RCC1: variants seen among roughly 807,000 people sequenced by gnomAD.
RCC1 encodes the protein regulator of chromosome condensation.
A neutral mutation model predicts 44.4 loss-of-function variants in RCC1; 11 were observed. The ratio of observed to expected loss-of-function variants is 0.25; its 90% CI spans 0.16 to 0.41. The LOEUF (loss-of-function observed/expected upper bound fraction) is 0.41. Among genes scored for constraint, RCC1 ranks in the 10% least tolerant of loss-of-function variants. The pLI, the probability that RCC1 is intolerant of heterozygous loss-of-function variation, is 1.00. For missense variants in RCC1, 386 were observed against 547.1 expected (o/e 0.71, Z 2.94); for synonymous variants, 213 against 216.5 (o/e 0.98, Z 0.14).
Position 28,536,496 on chromosome 1 carries a change from A to T in RCC1, c.937+115A>T. On this transcript the variant is annotated intron_variant, in intron 11 of 12. Coordinates refer to ENST00000683442, the MANE Select transcript of RCC1 (RefSeq NM_001381865.2). The surrounding 1 kb of genome is among the most constrained non-coding windows in gnomAD (Gnocchi z 4.9). ...CTGGGTCTGTTCCATGGGTTGTACC[A>T]TACATGGGTCCATGAGAGTCACTCT... 1 of 1,354,878 alleles carries T rather than the reference A, an allele frequency of 7.4e-7. No homozygotes were observed. Among genetic ancestry groups the T allele is most frequent in the Non-Finnish European group, 1.0e-6 (1 of 993,870 alleles). The allele number at this position is 1,354,878 out of a possible 1,614,324, so 83.9% of individuals were successfully genotyped here.
Position 28,536,704 on chromosome 1 carries a change from G to A in RCC1, c.938-43G>A, listed in dbSNP as rs1455820436. ...TAGCCTGCCACCCATTTTGCCTGTAGCACGCCCTCTGCTATTGCTCATCTC... is the reference window on the plus strand; with the variant it reads ...TAGCCTGCCACCCATTTTGCCTGTAACACGCCCTCTGCTATTGCTCATCTC... On this transcript the variant is annotated intron_variant, in intron 11 of 12. Coordinates refer to ENST00000683442, the MANE Select transcript of RCC1 (RefSeq NM_001381865.2). The surrounding 1 kb of genome is among the most constrained non-coding windows in gnomAD (Gnocchi z 4.9). 2 of 1,603,792 alleles carry A rather than the reference G, an allele frequency of 1.2e-6. No homozygotes were observed. Among genetic ancestry groups the A allele is most frequent in the Non-Finnish European group, 1.7e-6 (2 of 1,173,690 alleles).
At chr1:28,508,456 C>T (rs1306225232) in intron 2 of RCC1, 3 of 425,688 alleles carry the variant, frequency 7.0e-6, no homozygotes, top group South Asian at 3.3e-5. Flanking sequence ...GCTTTATCTA[C>T]ATGTGTAGCC....
intron 4 of RCC1, among the ~76,000 whole-genome samples, chr1:28,525,926 TCCTTCC>T (rs1264172470): frequency 6.6e-6 from 1 of 152,198 alleles, no homozygotes; most frequent in Non-Finnish European, 1.5e-5. Flanking sequence ...CTTGGAGTTC[TCCTTCC>T]CTTCGTAACA....
In RCC1 at chr1:28,536,027, G is replaced by T. The variant is rs1664537550; in HGVS notation, c.817+1G>T. ...GGCCTCTCCAACTACCATCAGCTTG[G>T]TGAGCCCCGAGCCCAGCTTCAGGCA... is the stretch of plus-strand genomic sequence containing the variant. On this transcript the variant is annotated splice_donor_variant, in intron 10 of 12. Coordinates refer to ENST00000683442, the MANE Select transcript of RCC1 (RefSeq NM_001381865.2). LOFTEE classifies it high-confidence loss of function. The surrounding 1 kb of genome is among the most constrained non-coding windows in gnomAD (Gnocchi z 4.9). The T allele has an allele frequency of 6.2e-7, 1 of 1,605,442 alleles. No individual in the cohort carries two copies. The highest frequency in any genetic ancestry group is 1.3e-5 in the African/African-American group (1 of 74,740).
intron 3 of RCC1, among the ~76,000 whole-genome samples, chr1:28,515,422 GACAA>G (rs1344647119): frequency 1.3e-5 from 2 of 149,274 alleles, no homozygotes; most frequent in South Asian, 2.1e-4. Flanking sequence ...AGACTCTTGA[GACAA>G]ACAACTGGGG....
intron 4 of RCC1, chr1:28,526,612 A>G: frequency 1.9e-6 from 1 of 530,796 alleles, no homozygotes; most frequent in Non-Finnish European, 3.5e-6. Context: ...TCCAAAGGAT[A>G]GGGCTGGGCG....
At chr1:28,506,295 G>A (rs537647807) in intron 1 of RCC1, 1 of 438,508 alleles carries the variant, frequency 2.3e-6, no homozygotes, top group East Asian at 7.3e-5. Context: ...AGCGATTCTC[G>A]TGCCTCAGCC....
intron 5 of RCC1, among the ~76,000 whole-genome samples, chr1:28,531,272 T>G (rs1472386452): frequency 1.4e-5 from 2 of 148,128 alleles, no homozygotes; most frequent in Non-Finnish European, 1.5e-5. Flanking sequence ...TTTCTTTTTT[T>G]TTTTTTTTTT....
chr1:28,528,717 A>G (rs1055749586), intron 4 of RCC1, among the ~76,000 whole-genome samples: 1 of 151,062 alleles, frequency 6.6e-6, no homozygotes, highest in African/African-American at 2.4e-5. Context: ...TATCTATAAT[A>G]CCATTTTCCG....
chr1:28,533,134 C>T (rs1664284312), intron 7 of RCC1, among the ~76,000 whole-genome samples: 1 of 152,026 alleles, frequency 6.6e-6, no homozygotes, highest in Non-Finnish European at 1.5e-5. Context: ...TTCCTTATCA[C>T]ATCTATTTTG....
At chr1:28,535,176 G>T in intron 8 of RCC1, 30 bp downstream of exon 8, 1 of 1,614,080 alleles carries the variant, frequency 6.2e-7, no homozygotes, top group East Asian at 2.2e-5. Flanking sequence ...CTCAGGGCAG[G>T]AGTTGGAGGA....
chr1:28,528,807 A>C (rs748525360), intron 4 of RCC1, among the ~76,000 whole-genome samples: 19 of 67,464 alleles, frequency 2.8e-4, no homozygotes, highest in African/African-American at 7.8e-4. Context: ...TTTTTTTTCC[A>C]AAAAAAAAAA....
Position 28,535,252 on chromosome 1 carries a change from C to G in RCC1, c.539-6C>G, listed in dbSNP as rs772467126. 2.5e-6 allele frequency: 4 copies of G among 1,614,188 alleles called. No individual in the cohort carries two copies. In the Admixed American group the frequency reaches 6.7e-5, roughly 27 times the overall value. On this transcript the variant is annotated splice_region_variant and splice_polypyrimidine_tract_variant and intron_variant, in intron 8 of 12. Coordinates refer to ENST00000683442, the MANE Select transcript of RCC1 (RefSeq NM_001381865.2). ...TGGCCTGCATCCCTTACCTTTTCAT[C>G]CTTAGGAAACGACCACTTGGTGATG...
chr1:28,510,523 G>C (rs1230046981), intron 3 of RCC1: 1 of 152,180 alleles, frequency 6.6e-6, no homozygotes, highest in Non-Finnish European at 1.5e-5. Context: ...AGAATTGCTG[G>C]AACCCGGGAG....
At chr1:28,515,550 CTA>C (rs1254877560) in intron 3 of RCC1, among the ~76,000 whole-genome samples, 3 of 151,314 alleles carry the variant, frequency 2.0e-5, no homozygotes, top group Non-Finnish European at 4.4e-5. Flanking sequence ...AACCCTGTCT[CTA>C]TTAAAAATAC....
At chr1:28,532,804 T>G (rs772630003) in intron 7 of RCC1, 1 of 441,504 alleles carries the variant, frequency 2.3e-6, no homozygotes, top group Non-Finnish European at 4.5e-6. Context: ...TTTTTGTTGT[T>G]GTTGTTGTTG....
rs773144399 is a variant in RCC1, at chr1:28,538,045, C to T, written c.*38C>T. 1.1e-5 allele frequency: 18 copies of T among 1,585,366 alleles called. No individual in the cohort carries two copies. In the East Asian group the frequency reaches 4.1e-4, roughly 36 times the overall value. ...GGGCCTGGCTTCTGTCCTGCACAAC[C>T]TCCCTCACAGAACAGGGAAGCAGTG... is the stretch of plus-strand genomic sequence containing the variant. On this transcript the variant is annotated 3_prime_UTR_variant, in exon 13 of 13. Coordinates refer to ENST00000683442, the MANE Select transcript of RCC1 (RefSeq NM_001381865.2).
intron 4 of RCC1, among the ~76,000 whole-genome samples, chr1:28,517,477 T>G (rs1662965356): frequency 6.6e-6 from 1 of 152,174 alleles, no homozygotes; most frequent in African/African-American, 2.4e-5. Flanking sequence ...CATATTAGGA[T>G]GCTCTTGTAG....
At chr1:28,537,166 G>C (rs1664605730) in intron 12 of RCC1, among the ~76,000 whole-genome samples, 1 of 152,076 alleles carries the variant, frequency 6.6e-6, no homozygotes, top group African/African-American at 2.4e-5. Context: ...GGAGGCAATG[G>C]GACTGGAACC....
Sources: gnomAD v4.1 joint callset for allele counts (sites outside exome capture counted in the v4.1 genomes callset) on GRCh38, gnomAD v4.1.1 for gene constraint, Gnocchi (gnomAD v3.1) non-coding constraint, MANE v1.5 for transcripts, NCBI Gene and HGNC (gene_info 2026-07-23, HGNC 2026-07-21) for gene names.